SOX6: variants seen among roughly 807,000 people sequenced by gnomAD.
The protein encoded by SOX6 is transcription factor SOX-6.
SOX6 carries 11 observed loss-of-function variants against 97.8 expected under a neutral mutation model. The observed-to-expected ratio is 0.11, with a 90% confidence interval of 0.07 to 0.19. SOX6 has a LOEUF of 0.19. Among genes scored for constraint, SOX6 ranks in the 10% least tolerant of loss-of-function variants. The pLI is 1.00. For missense variants in SOX6, 810 were observed against 1,039.5 expected, an observed-to-expected ratio of 0.78 and a Z score of 3.04; for synonymous variants, 360 against 371.4, an observed-to-expected ratio of 0.97 and a Z score of 0.35.
At chr11:16,403,217 A>G (rs1419991503) in intron 1 of SOX6, among the ~76,000 whole-genome samples, 4 of 151,700 alleles carry the variant, frequency 2.6e-5, no homozygotes, top group African/African-American at 9.7e-5. Flanking sequence ...CCTGAGGCCC[A>G]GTCTTAGAAT....
At chr11:16,287,077 C>T (rs1854767660) in intron 3 of SOX6, among the ~76,000 whole-genome samples, 1 of 151,782 alleles carries the variant, frequency 6.6e-6, no homozygotes. Flanking sequence ...TTTCCTGTTG[C>T]TGTTGTTAAC....
chr11:16,579,112 T>G (rs1306659843), intron 4 of SOX6, among the ~76,000 whole-genome samples: 2 of 152,090 alleles, frequency 1.3e-5, no homozygotes, highest in African/African-American at 4.8e-5. Flanking sequence ...CACATTTACA[T>G]ATGCTTTTTA....
intron 6 of SOX6, among the ~76,000 whole-genome samples, chr11:16,121,241 A>C (rs550483832): frequency 6.6e-6 from 1 of 152,202 alleles, no homozygotes; most frequent in Non-Finnish European, 1.5e-5. Flanking sequence ...TGGATTTAGC[A>C]CTAACATAAT....
At chr11:16,251,229 A>T (rs547319965) in intron 3 of SOX6, among the ~76,000 whole-genome samples, 14 of 151,364 alleles carry the variant, frequency 9.2e-5, no homozygotes, top group African/African-American at 3.4e-4. Context: ...AGCTGGAAAA[A>T]GAAATAAACG....
At chr11:16,556,837 C>T (rs955154845) in intron 4 of SOX6, among the ~76,000 whole-genome samples, 15 of 151,878 alleles carry the variant, frequency 9.9e-5, no homozygotes, top group Non-Finnish European at 1.5e-4. Flanking sequence ...AGACCAATAA[C>T]GTAACGATTT....
At chr11:16,588,495 T>C (rs1848118660) in intron 4 of SOX6, among the ~76,000 whole-genome samples, 1 of 152,154 alleles carries the variant, frequency 6.6e-6, no homozygotes, top group South Asian at 2.1e-4. Flanking sequence ...TGCCTTACTG[T>C]CCTTTCCCAG....
chr11:16,385,298 C>G (rs1029103417), intron 1 of SOX6, among the ~76,000 whole-genome samples: 2 of 152,086 alleles, frequency 1.3e-5, no homozygotes, highest in Admixed American at 6.6e-5. Context: ...CTTTAGCTGA[C>G]TCAGCTGTGA....
At chr11:16,678,336 C>T (rs770872388) in intron 3 of SOX6, among the ~76,000 whole-genome samples, 2 of 152,182 alleles carry the variant, frequency 1.3e-5, no homozygotes, top group African/African-American at 2.4e-5. Context: ...CAAGTTTTAA[C>T]ATGTTATGTT....
Position 16,409,961 on chromosome 11 carries a change from C to A in SOX6, c.-5+66354G>T, listed in dbSNP as rs562755613. ...CCCTTATATGTGGAATCTAAAACAA[C>A]TGAACTCAATAGAAGCGGAGAGCAG... On this transcript the variant is annotated intron_variant, in intron 1 of 15. Coordinates refer to the SOX6 transcript ENST00000396356. 5.5e-4 allele frequency among the ~76,000 whole-genome samples: 83 copies of A among 152,220 alleles called. 1 individual carries two copies. In the South Asian group the frequency reaches 0.016, roughly 30 times the overall value.
chr11:16,614,983 G>A (rs927213554), intron 3 of SOX6, among the ~76,000 whole-genome samples: 8 of 152,144 alleles, frequency 5.3e-5, no homozygotes, highest in Admixed American at 2.0e-4. Flanking sequence ...TATAGCCACA[G>A]CAACCCGATG....
intron 3 of SOX6, among the ~76,000 whole-genome samples, chr11:16,658,904 C>T (rs568307202): frequency 1.3e-5 from 2 of 152,024 alleles, no homozygotes; most frequent in Non-Finnish European, 2.9e-5. Flanking sequence ...GTTTTCACTT[C>T]CTTTTTTAAA....
At chr11:16,240,716 A>T (rs1203078382) in intron 3 of SOX6, among the ~76,000 whole-genome samples, 1 of 152,068 alleles carries the variant, frequency 6.6e-6, no homozygotes, top group Non-Finnish European at 1.5e-5. Flanking sequence ...ACAGCGGATG[A>T]TTCAGAAACC....
intron 1 of SOX6, among the ~76,000 whole-genome samples, chr11:16,428,015 C>T (rs1859186414): frequency 1.3e-5 from 2 of 152,160 alleles, no homozygotes; most frequent in Non-Finnish European, 2.9e-5. Flanking sequence ...TTTTAATGCT[C>T]ACCATTCTAA....
chr11:16,328,662 C>T (rs573195551), intron 2 of SOX6, among the ~76,000 whole-genome samples: 18 of 152,290 alleles, frequency 1.2e-4, no homozygotes, highest in Non-Finnish European at 2.1e-4. Flanking sequence ...CTTTAAACAA[C>T]CTTTTGTTTT....
At chr11:16,499,134 A>G (rs1321965047) in intron 4 of SOX6, among the ~76,000 whole-genome samples, 1 of 152,260 alleles carries the variant, frequency 6.6e-6, no homozygotes, top group Non-Finnish European at 1.5e-5. Flanking sequence ...CAATCAAACT[A>G]GAACTCAGGA....
chr11:16,508,071 G>A (rs1267553498), intron 4 of SOX6, among the ~76,000 whole-genome samples: 1 of 151,806 alleles, frequency 6.6e-6, no homozygotes, highest in East Asian at 1.9e-4. Context: ...TTAAAAAGTA[G>A]GCAAAGGACA....
At chr11:16,225,781 C>T (rs373889333) in intron 4 of SOX6, among the ~76,000 whole-genome samples, 4 of 152,272 alleles carry the variant, frequency 2.6e-5, no homozygotes, top group South Asian at 4.1e-4. Flanking sequence ...CTGTGCACTC[C>T]TCCGAAGATT....
intron 12 of SOX6, among the ~76,000 whole-genome samples, chr11:16,044,966 G>GTCTATCTATCTATCTATCTA (rs67426027): frequency 5.3e-5 from 8 of 151,156 alleles, no homozygotes; most frequent in African/African-American, 2.0e-4. Flanking sequence ...CTGTCTATCT[G>GTCTATCTATCTATCTATCTA]TCTATCTATC....
intron 11 of SOX6, 182 bp downstream of exon 11, chr11:16,049,573 G>T (rs1847630272): frequency 1.4e-6 from 1 of 696,516 alleles, no homozygotes; most frequent in East Asian, 2.6e-5. Context: ...TTTATATTAT[G>T]ACCTTTTCCA....
Sources: allele counts gnomAD v4.1 joint callset (sites outside exome capture counted in the v4.1 genomes callset), GRCh38; gene constraint gnomAD v4.1.1; transcripts MANE v1.5; gene names NCBI Gene and HGNC (gene_info 2026-07-23, HGNC 2026-07-21).